The following NRP2 variants were observed in gnomAD, a reference collection of about 807,000 sequenced individuals.
The protein encoded by NRP2 is neuropilin 2, also known as neuropilin-2.
In NRP2, 52 loss-of-function variants were observed where a neutral mutation model predicts 110.4. The ratio of observed to expected loss-of-function variants is 0.47; its 90% CI spans 0.38 to 0.59. The LOEUF (loss-of-function observed/expected upper bound fraction) is 0.59, where lower values mean the gene tolerates loss of function less well. Ranked by LOEUF, NRP2 falls within the 20% of genes least tolerant of loss-of-function variation. The pLI, the probability that NRP2 is intolerant of heterozygous loss-of-function variation, is 0.00. For missense variants in NRP2, 1,049 were observed against 1,203.0 expected (o/e 0.87, Z 1.89); for synonymous variants, 508 against 468.9 (o/e 1.08, Z -1.08).
At chr2:205,769,270 T>C (rs903457778) in intron 15 of NRP2, among the ~76,000 whole-genome samples, 2 of 152,222 alleles carry the variant, frequency 1.3e-5, no homozygotes, top group Non-Finnish European at 2.9e-5. Flanking sequence ...TTTTCCCTTA[T>C]AAATTAATCA....
intron 15 of NRP2, chr2:205,776,181 A>G (rs776650241): frequency 2.0e-6 from 3 of 1,466,532 alleles, no homozygotes; most frequent in Non-Finnish European, 2.8e-6. Flanking sequence ...TCTTTTTTTA[A>G]ATTAGTCTTT....
chr2:205,698,697 G>A (rs2056489738), intron 2 of NRP2, among the ~76,000 whole-genome samples: 1 of 152,224 alleles, frequency 6.6e-6, no homozygotes, highest in Admixed American at 6.5e-5. Flanking sequence ...GAGAGTTTTT[G>A]TGCAGAAAAG....
intron 15 of NRP2, among the ~76,000 whole-genome samples, chr2:205,781,610 T>C (rs1326020841): frequency 6.6e-6 from 1 of 152,210 alleles, no homozygotes; most frequent in Non-Finnish European, 1.5e-5. Flanking sequence ...CTTGCCTGCA[T>C]TGTGGGCTAC....
At chr2:205,777,223 G>T (rs2058114009) in intron 15 of NRP2, 1 of 853,666 alleles carries the variant, frequency 1.2e-6, no homozygotes, top group Non-Finnish European at 1.4e-6. Flanking sequence ...GAGGCCACAT[G>T]GGATGCAGTG....
chr2:205,713,772 C>A (rs1283510088), intron 2 of NRP2, among the ~76,000 whole-genome samples: 2 of 152,112 alleles, frequency 1.3e-5, no homozygotes, highest in Admixed American at 1.3e-4. Context: ...GCTTTGAAAC[C>A]ATTTATAAGC....
Position 205,794,958 on chromosome 2 carries a change from C to T in NRP2, c.2681C>T (p.Ser894Phe). ...YCTCSYSGLS[S>F]RSCTTLENYN... is the part of the protein sequence containing the mutation. The stretch of plus-strand genomic sequence containing the variant: ...ACCTGTTCCTACTCGGGCCTGAGCT[C>T]CCGAAGCTGCACCACACTGGAGAAC... Residue 894 changes from serine (S) to phenylalanine (F), a missense_variant, in exon 17 of 17, where the codon TCC (serine) becomes TTC (phenylalanine). Coordinates refer to ENST00000357785, the MANE Select transcript of NRP2 (RefSeq NM_003872.3). The T allele has an allele frequency of 6.2e-7, 1 of 1,614,118 alleles. No individual in the cohort carries two copies. The highest frequency in any genetic ancestry group is 8.5e-7 in the Non-Finnish European group (1 of 1,180,032).
At chr2:205,752,132 G>A (rs1343989232) in intron 11 of NRP2, among the ~76,000 whole-genome samples, 1 of 152,168 alleles carries the variant, frequency 6.6e-6, no homozygotes, top group Non-Finnish European at 1.5e-5. Flanking sequence ...GCAGCCTCCA[G>A]GGATTCAGCA....
chr2:205,694,461 G>A (rs557347652), intron 1 of NRP2, among the ~76,000 whole-genome samples: 2 of 152,208 alleles, frequency 1.3e-5, no homozygotes, highest in African/African-American at 4.8e-5. Flanking sequence ...ATCTCTCTTC[G>A]GGTGATGAAT....
intron 1 of NRP2, among the ~76,000 whole-genome samples, chr2:205,691,879 C>T (rs933533087): frequency 3.9e-5 from 6 of 152,100 alleles, no homozygotes; most frequent in Admixed American, 3.3e-4. Context: ...TGGCATGATT[C>T]GAGGTCAGGA....
At position 205,740,521 on chromosome 2, in the gene NRP2, A is replaced by G. The variant is rs144509196; in HGVS notation, c.1149A>G (p.Val383=). 1,421 of 1,614,234 alleles carry G rather than the reference A, an allele frequency of 8.8e-4. 13 individuals are homozygous for G. In the African/African-American group the frequency reaches 0.017, roughly 19 times the overall value. The change falls in exon 8 of 17, where the codon GTA becomes GTG. Residue 383 remains valine, a splice_region_variant and synonymous_variant. Coordinates refer to ENST00000357785, the MANE Select transcript of NRP2 (RefSeq NM_003872.3). ...TGGTTTTGCATCTTACGCTACAGGTATTTCAAGCCAACAACGATGCAACTG... is the reference window on the plus strand; with the variant it reads ...TGGTTTTGCATCTTACGCTACAGGTGTTTCAAGCCAACAACGATGCAACTG... ...MVYRHGKNHK[V]FQANNDATEV... is the part of the protein sequence containing the mutation.
At position 205,776,343 on chromosome 2, in the gene NRP2, C is replaced by CGTGCTG. The variant is rs2058098145; in HGVS notation, c.2425+9549_2425+9554dup. ...ATTACGTAATGGCCGCCGGGGGCGC[C>CGTGCTG]GTGCTGGTGCTGGTCTCCGTCGCGC... On this transcript the variant is annotated intron_variant, in intron 15 of 16. Transcript: ENST00000357785. The CGTGCTG allele has an allele frequency of 6.8e-6, 11 of 1,612,972 alleles. No homozygotes were observed. The South Asian group carries it at 1.1e-4, about 16-fold the overall frequency.
At chr2:205,757,227 C>T (rs1177561474) in intron 12 of NRP2, among the ~76,000 whole-genome samples, 1 of 152,204 alleles carries the variant, frequency 6.6e-6, no homozygotes, top group Non-Finnish European at 1.5e-5. Context: ...AGAACCTTTA[C>T]TCTAGGCTCA....
At chr2:205,731,786 G>C (rs1354448824) in intron 7 of NRP2, among the ~76,000 whole-genome samples, 2 of 152,260 alleles carry the variant, frequency 1.3e-5, no homozygotes, top group East Asian at 3.9e-4. Context: ...GGTAAGACTT[G>C]GGTCCAAGAA....
rs547293849 is a variant in NRP2, at chr2:205,767,216, G to A, written c.2425+413G>A. On this transcript the variant is annotated intron_variant, in intron 15 of 16. Coordinates refer to ENST00000357785, the MANE Select transcript of NRP2 (RefSeq NM_003872.3). Reference sequence around the variant, plus strand: ...CAATGATTTATTTTAGCCTGAAGATGGTTTCTTTCCAGTTCCAGGGTACCA... The same window carrying A: ...CAATGATTTATTTTAGCCTGAAGATAGTTTCTTTCCAGTTCCAGGGTACCA... 7.0e-4 allele frequency: 216 copies of A among 309,434 alleles called. 4 individuals are homozygous for A. The highest frequency in any genetic ancestry group is 5.8e-3 in the South Asian group (213 of 36,520). 19.2% of individuals were successfully genotyped at this position (309,434 alleles called of 1,614,324 possible). A position where few individuals can be genotyped will look rare whatever the true frequency, so the allele number is the denominator to read the frequency against.
At position 205,797,095 on chromosome 2, in the gene NRP2, T is replaced by C. The variant is rs2058357973; in HGVS notation, c.*2037T>C. 6.5e-6 allele frequency: 1 copy of C among 152,730 alleles called. No homozygotes were observed. The highest frequency in any genetic ancestry group is 2.1e-4 in the South Asian group (1 of 4,830). 9.5% of individuals were successfully genotyped at this position (152,730 alleles called of 1,614,324 possible). Reference sequence around the variant, plus strand: ...GTGTATGTGAATGGTCATGTGGGACTCAGTGGTGGTGTTGTGACTTTGACC... The same window carrying C: ...GTGTATGTGAATGGTCATGTGGGACCCAGTGGTGGTGTTGTGACTTTGACC... On this transcript the variant is annotated 3_prime_UTR_variant, in exon 17 of 17. Transcript: ENST00000357785.
rs189765799 is a variant in NRP2, at chr2:205,721,870, A to T, written c.434-608A>T. Among the ~76,000 whole-genome samples the T allele has an allele frequency of 1.6e-4, 24 of 152,286 alleles. No individual in the cohort carries two copies. The East Asian group carries it at 4.6e-3, about 29-fold the overall frequency. On this transcript the variant is annotated intron_variant, in intron 3 of 16. Transcript: ENST00000357785. ...ATTGTTAATTGTCCGACCACTACAG[A>T]GCAGCTCGTTTTAATATAGTCATGA... is the stretch of plus-strand genomic sequence containing the variant.
intron 1 of NRP2, among the ~76,000 whole-genome samples, chr2:205,694,285 T>C (rs2056376905): frequency 6.6e-6 from 1 of 152,236 alleles, no homozygotes. Context: ...AATCAGAACT[T>C]GGTGACTTCA....
chr2:205,781,681 G>T (rs1044493985), intron 15 of NRP2, among the ~76,000 whole-genome samples: 4 of 152,164 alleles, frequency 2.6e-5, no homozygotes, highest in African/African-American at 9.7e-5. Context: ...TAATTGTGCA[G>T]ATCACTGGGG....
intron 7 of NRP2, among the ~76,000 whole-genome samples, chr2:205,731,872 G>C (rs957112418): frequency 2.0e-5 from 3 of 152,180 alleles, no homozygotes; most frequent in Non-Finnish European, 4.4e-5. Context: ...ACCTCCAAGG[G>C]ACTCAGAAAA....
Sources: gnomAD v4.1 joint callset for allele counts (sites outside exome capture counted in the v4.1 genomes callset) on GRCh38, gnomAD v4.1.1 for gene constraint, MANE v1.5 for transcripts, NCBI Gene and HGNC (gene_info 2026-07-23, HGNC 2026-07-21) for gene names.